TOR1B: variants seen among roughly 807,000 people sequenced by gnomAD.
TOR1B encodes torsin-1B.
Under a neutral mutation model 29.2 loss-of-function variants are expected in TOR1B, and 14 were observed. The ratio of observed to expected loss-of-function variants is 0.48; its 90% CI spans 0.32 to 0.75. The LOEUF is 0.75. Among genes scored for constraint, TOR1B ranks in the 30% least tolerant of loss-of-function variants. TOR1B has a pLI of 0.04. For missense variants in TOR1B, 400 were observed against 433.9 expected, an observed-to-expected ratio of 0.92 and a Z score of 0.69; for synonymous variants, 166 against 179.8, an observed-to-expected ratio of 0.92 and a Z score of 0.62.
chr9:129,807,050 C>A, intron 2 of TOR1B, 138 bp from the exon 3 acceptor site: 1 of 717,744 alleles, frequency 1.4e-6, no homozygotes, highest in Non-Finnish European at 2.3e-6. Context: ...AAGCTGCTAC[C>A]TAGCGAGTGG....
Position 129,811,231 on chromosome 9 carries a change from G to A in TOR1B, c.*1648G>A, listed in dbSNP as rs937628452. ...CCTTTTGGGCATCTGGTCGAGAGAA[G>A]ACAAGATTTTCTCTATTTACAGTGA... is the stretch of plus-strand genomic sequence containing the variant. On this transcript the variant is annotated 3_prime_UTR_variant, in exon 5 of 5. Transcript: ENST00000259339. 2 of 152,044 alleles carry A rather than the reference G, an allele frequency of 1.3e-5. No homozygotes were observed. Among genetic ancestry groups the A allele is most frequent in the African/African-American group, 4.8e-5 (2 of 41,396 alleles). 9.4% of individuals were successfully genotyped at this position (152,044 alleles called of 1,614,324 possible).
rs764512460 is a variant in TOR1B, at chr9:129,803,430, C to T, written c.199+19C>T. The T allele has an allele frequency of 2.8e-6, 4 of 1,452,528 alleles. No individual in the cohort carries two copies. The highest frequency in any genetic ancestry group is 3.6e-6 in the Non-Finnish European group (4 of 1,100,428). 90.0% of individuals were successfully genotyped at this position (1,452,528 alleles called of 1,614,324 possible). A position where few individuals can be genotyped will look rare whatever the true frequency, so the allele number is the denominator to read the frequency against. On this transcript the variant is annotated intron_variant, in intron 1 of 4. Transcript: ENST00000259339. The stretch of plus-strand genomic sequence containing the variant: ...GCTTCGGGTACGGCGCGCGCGCGAG[C>T]TGTGGGTCGGCGCTGCGGGGGGCGC...
chr9:129,810,337 GT>G lies in TOR1B; in HGVS notation c.*755del. 1 of 1,086,210 alleles carries G rather than the reference GT, an allele frequency of 9.2e-7. No homozygotes were observed. Among genetic ancestry groups the G allele is most frequent in the Non-Finnish European group, 1.2e-6 (1 of 844,314 alleles). The allele number at this position is 1,086,210 out of a possible 1,614,324, so 67.3% of individuals were successfully genotyped here. The stretch of plus-strand genomic sequence containing the variant: ...GAGCACTCTTGATCTGAGCTGACCT[GT>G]GTGTGTGTGTGTGGGGGGGTGGGGC... On this transcript the variant is annotated 3_prime_UTR_variant, in exon 5 of 5. Coordinates refer to ENST00000259339, the MANE Select transcript of TOR1B (RefSeq NM_014506.3).
At chr9:129,809,215 G>T in intron 4 of TOR1B, 127 bp from the exon 5 acceptor site, 1 of 1,541,454 alleles carries the variant, frequency 6.5e-7, no homozygotes, top group South Asian at 1.3e-5. Context: ...GTCCTGCATG[G>T]GCTTGTTGCA....
chr9:129,807,239 G>C lies in TOR1B; in HGVS notation c.517G>C (p.Val173Leu). 1 of 1,614,112 alleles carries C rather than the reference G, an allele frequency of 6.2e-7. No individual in the cohort carries two copies. Among genetic ancestry groups the C allele is most frequent in the Non-Finnish European group, 8.5e-7 (1 of 1,180,022 alleles). Residue 173 changes from valine (V) to leucine (L), a missense_variant, in exon 3 of 5, where the codon GTT (valine) becomes CTT (leucine). By Grantham distance (32) the Val-to-Leu change is conservative (BLOSUM62 1). Coordinates refer to ENST00000259339, the MANE Select transcript of TOR1B (RefSeq NM_014506.3). Reference sequence around the variant, plus strand: ...TAATGTGAGTGCATGTGCGAACTCTGTTTTCATATTTGACGAGATGGATAA... The same window carrying C: ...TAATGTGAGTGCATGTGCGAACTCTCTTTTCATATTTGACGAGATGGATAA... ...RGNVSACANS[V>L]FIFDEMDKLH... is the part of the protein sequence containing the mutation.
chr9:129,808,172 C>G (rs1018126044), intron 3 of TOR1B, among the ~76,000 whole-genome samples: 2 of 152,062 alleles, frequency 1.3e-5, no homozygotes, highest in Non-Finnish European at 2.9e-5. Context: ...ACTTTTTTGT[C>G]TAGTAGCACT....
chr9:129,806,142 C>T (rs1002496280), intron 2 of TOR1B, among the ~76,000 whole-genome samples: 1 of 151,594 alleles, frequency 6.6e-6, no homozygotes, highest in East Asian at 1.9e-4. Context: ...AAAAAAATTC[C>T]TCCTGTTAGG....
chr9:129,805,406 A>G lies in TOR1B; in HGVS notation c.465+1068A>G, dbSNP rs185707805. On this transcript the variant is annotated intron_variant, in intron 2 of 4. Transcript: ENST00000259339. ...CACTGCACCCCAGCCTGGGCAACAG[A>G]ATGAGACTCTGTCTCAAAAAAAAAG... Among the ~76,000 whole-genome samples, 391 of 152,148 alleles carry G rather than the reference A, an allele frequency of 2.6e-3. 2 individuals carry two copies. Among genetic ancestry groups the G allele is most frequent in the African/African-American group, 9.1e-3 (377 of 41,476 alleles).
intron 2 of TOR1B, among the ~76,000 whole-genome samples, chr9:129,806,032 G>A (rs2030457539): frequency 6.6e-6 from 1 of 151,520 alleles, no homozygotes. Flanking sequence ...GAGATGGGAG[G>A]ATCGCTTGAG....
intron 4 of TOR1B, 89 bp from the exon 5 acceptor site, chr9:129,809,253 A>G (rs2030701125): frequency 6.3e-7 from 1 of 1,588,960 alleles, no homozygotes; most frequent in Admixed American, 1.7e-5. Flanking sequence ...CTCAAGGGGT[A>G]CGGACATGAG....
rs1362133097 is a variant in TOR1B at position 129,804,275 on chromosome 9, C to T, written c.402C>T (p.Asn134=). 1 of 1,614,208 alleles carries T rather than the reference C, an allele frequency of 6.2e-7. No individual in the cohort carries two copies. Among genetic ancestry groups the T allele is most frequent in the East Asian group, 2.2e-5 (1 of 44,884 alleles). Residue 134 remains asparagine (N), a synonymous_variant, in exon 2 of 5, where the codon AAC becomes AAT. Coordinates refer to ENST00000259339, the MANE Select transcript of TOR1B (RefSeq NM_014506.3). ...TTCACCCAAAAGGTCTGAAGAGTAA[C>T]TTTGTCCACCTGTTTGTATCGACTC... The part of the protein sequence containing the change: ...ENLHPKGLKS[N]FVHLFVSTLH...
chr9:129,808,020 A>G (rs1827374438), intron 3 of TOR1B, among the ~76,000 whole-genome samples: 1 of 150,996 alleles, frequency 6.6e-6, no homozygotes, highest in Admixed American at 6.6e-5. Flanking sequence ...CTGGGTGACA[A>G]TCAAGACCCC....
rs1287621895 is a variant in TOR1B at position 129,807,220 on chromosome 9, G to A, written c.498G>A (p.Val166=). ...DQLQKWIRGN[V]SACANSVFIF... ...TACAGAAGTGGATCCGCGGTAATGT[G>A]AGTGCATGTGCGAACTCTGTTTTCA... is the stretch of plus-strand genomic sequence containing the variant. Residue 166 remains valine, a synonymous_variant, in exon 3 of 5, where the codon GTG becomes GTA. Transcript: ENST00000259339. 6.2e-7 allele frequency: 1 copy of A among 1,614,022 alleles called. No individual in the cohort carries two copies. Among genetic ancestry groups the A allele is most frequent in the Non-Finnish European group, 8.5e-7 (1 of 1,180,048 alleles).
At chr9:129,805,260 G>C (rs2030414899) in intron 2 of TOR1B, among the ~76,000 whole-genome samples, 1 of 152,030 alleles carries the variant, frequency 6.6e-6, no homozygotes, top group African/African-American at 2.4e-5. Context: ...TTCGAGACCA[G>C]CCTGACCAAC....
In TOR1B at chr9:129,809,774, A is replaced by G. The variant is rs749321256; in HGVS notation, c.*191A>G. 293 of 1,410,726 alleles carry G rather than the reference A, an allele frequency of 2.1e-4. 1 individual carries two copies. Among genetic ancestry groups the G allele is most frequent in the Non-Finnish European group, 2.4e-4 (265 of 1,084,856 alleles). 87.4% of individuals were successfully genotyped at this position (1,410,726 alleles called of 1,614,324 possible). On this transcript the variant is annotated 3_prime_UTR_variant, in exon 5 of 5. Transcript: ENST00000259339. ...CTGGAGTGCAGTGGTGCAATCCTCA[A>G]CTCACTGCAACCTCCGCTCCCGGTT...
Position 129,809,322 on chromosome 9 carries a change from A to T in TOR1B, c.770-20A>T. On this transcript the variant is annotated intron_variant, in intron 4 of 4. Transcript: ENST00000259339. ...AGGTGGCGGTGGTGGCAGGAAACCC[A>T]GCTGTGTCTTGTTCTGCAGGTGGCC... 7 of 1,613,080 alleles carry T rather than the reference A, an allele frequency of 4.3e-6. No individual in the cohort carries two copies. The highest frequency in any genetic ancestry group is 5.9e-6 in the Non-Finnish European group (7 of 1,179,132).
rs777114810 is a variant in TOR1B at position 129,809,397 on chromosome 9, C to T, written c.825C>T (p.Pro275=). The part of the protein sequence containing the change: ...IDKNLIDYFI[P]FLPLEYRHVK... ...AAAACCTCATTGATTACTTTATCCC[C>T]TTCCTGCCTTTGGAGTACAGACATG... Residue 275 remains proline, a synonymous_variant, in exon 5 of 5, where the codon CCC becomes CCT. Coordinates refer to ENST00000259339, the MANE Select transcript of TOR1B (RefSeq NM_014506.3). 10 of 1,614,100 alleles carry T rather than the reference C, an allele frequency of 6.2e-6. No individual in the cohort carries two copies. The highest frequency in any genetic ancestry group is 5.5e-5 in the South Asian group (5 of 91,086).
intron 2 of TOR1B, 92 bp from the exon 3 acceptor site, chr9:129,807,096 C>T (rs1041820200): frequency 7.7e-7 from 1 of 1,292,412 alleles, no homozygotes; most frequent in Non-Finnish European, 1.1e-6. Flanking sequence ...CTGACCTCGT[C>T]CTTCAGTGCA....
rs2030774167 is a variant in TOR1B at position 129,810,311 on chromosome 9, C to A, written c.*728C>A. The A allele has an allele frequency of 7.7e-7, 1 of 1,295,014 alleles. No homozygotes were observed. Among genetic ancestry groups the A allele is most frequent in the Admixed American group, 2.4e-5 (1 of 42,086 alleles). The allele number at this position is 1,295,014 out of a possible 1,614,324, so 80.2% of individuals were successfully genotyped here. A position where few individuals can be genotyped will look rare whatever the true frequency, so the allele number is the denominator to read the frequency against. On this transcript the variant is annotated 3_prime_UTR_variant, in exon 5 of 5. Transcript: ENST00000259339. ...GACCGGAGGATGTGGCCGTGCCCGC[C>A]GAGCACTCTTGATCTGAGCTGACCT...
Sources: gnomAD v4.1 joint callset for allele counts (sites outside exome capture counted in the v4.1 genomes callset) on GRCh38, gnomAD v4.1.1 for gene constraint, MANE v1.5 for transcripts, NCBI Gene and HGNC (gene_info 2026-07-23, HGNC 2026-07-21) for gene names.